Variants in MYLK3 observed in about 807,000 individuals in gnomAD.
MYLK3 encodes the protein myosin light chain kinase 3, also known as MLC kinase.
A neutral mutation model predicts 76.3 loss-of-function variants in MYLK3; 55 were observed. The observed-to-expected ratio is 0.72, with a 90% CI of 0.58 to 0.90. MYLK3 has a LOEUF of 0.90. Among genes scored for constraint, MYLK3 ranks in the 40% least tolerant of loss-of-function variants. The pLI, the probability that MYLK3 is intolerant of heterozygous loss-of-function variation, is 0.00. For missense variants in MYLK3, 973 were observed against 1,053.6 expected (o/e 0.92, Z 1.06); for synonymous variants, 416 against 425.4 (o/e 0.98, Z 0.27).
intron 3 of MYLK3, among the ~76,000 whole-genome samples, chr16:46,736,501 T>C (rs1966869050): frequency 6.6e-6 from 1 of 152,208 alleles, no homozygotes; most frequent in Admixed American, 6.5e-5. Flanking sequence ...ACTTTTCTTC[T>C]CTGTCAGAAT....
chr16:46,756,375 A>G (rs1197127563), intron 1 of MYLK3, among the ~76,000 whole-genome samples: 1 of 152,208 alleles, frequency 6.6e-6, no homozygotes, highest in African/African-American at 2.4e-5. Context: ...CTAAGTCCTC[A>G]TTTATCTTAC....
At chr16:46,757,557 A>T (rs1040411870) in intron 1 of MYLK3, 2 of 985,224 alleles carry the variant, frequency 2.0e-6, no homozygotes, top group African/African-American at 3.5e-5. Flanking sequence ...CTGCCTAGAG[A>T]TGGATGCTGC....
At chr16:46,748,416 G>C (rs1967068779), upstream of MYLK3, 3 of 788,670 alleles carry the variant, frequency 3.8e-6, no homozygotes, top group Non-Finnish European at 5.7e-6. The surrounding 1 kb of genome is among the most constrained non-coding windows in gnomAD (Gnocchi z 4.3). Flanking sequence ...GGGCCTGTGA[G>C]TGACAGGCCG....
intron 12 of MYLK3, among the ~76,000 whole-genome samples, chr16:46,708,520 T>C (rs555809142): frequency 6.6e-6 from 1 of 152,214 alleles, no homozygotes; most frequent in South Asian, 2.1e-4. Context: ...ACTGGCGTGA[T>C]CACGGCTCAC....
intron 1 of MYLK3, among the ~76,000 whole-genome samples, chr16:46,756,615 G>A (rs1967203996): frequency 6.6e-6 from 1 of 152,152 alleles, no homozygotes; most frequent in African/African-American, 2.4e-5. Context: ...GAAAGGTCTT[G>A]TTCTAACAAA....
upstream of MYLK3, among the ~76,000 whole-genome samples, chr16:46,752,881 A>AAAAAT (rs1037560918): frequency 7.2e-5 from 11 of 152,310 alleles, no homozygotes; most frequent in African/African-American, 2.4e-4. Flanking sequence ...CCCTGACTCA[A>AAAAAT]AAAATAAAAT....
chr16:46,741,160 T>C (rs1596769188), intron 1 of MYLK3, among the ~76,000 whole-genome samples: 1 of 152,232 alleles, frequency 6.6e-6, no homozygotes, highest in East Asian at 1.9e-4. Context: ...GGGATAATCA[T>C]GTTATCAGCC....
In MYLK3 at chr16:46,710,752, CATCTG is replaced by C; in HGVS notation, c.2147_2151del (p.Thr716SerfsTer11). 1 of 1,614,130 alleles carries C rather than the reference CATCTG, an allele frequency of 6.2e-7. No individual in the cohort carries two copies. Among genetic ancestry groups the C allele is most frequent in the Non-Finnish European group, 8.5e-7 (1 of 1,180,038 alleles). ...TTTACAATGAAATTCATGGTCTCTG[CATCTG>C]TTTCCCCTAGAAATGGGGACAAGCC... On this transcript the variant is annotated frameshift_variant, in exon 11 of 13. Coordinates refer to ENST00000394809, the MANE Select transcript of MYLK3 (RefSeq NM_182493.3). LOFTEE classifies it high-confidence loss of function.
intron 12 of MYLK3, 90 bp from the exon 13 acceptor site, chr16:46,707,853 T>C (rs1596743234): frequency 2.3e-6 from 2 of 860,802 alleles, no homozygotes; most frequent in Non-Finnish European, 1.8e-6. Flanking sequence ...TTTAAGTGAG[T>C]CCAGCCACTG....
Position 46,732,468 on chromosome 16 carries a change from G to C in MYLK3, c.1202C>G (p.Ser401Cys). ...GGGGCTGCTGCTCTCCTGCAGCGGG[G>C]AGAGCTCTCTGGCTCCTTCAGGGGT... ...EQTPEGAREL[S>C]PLQESSSPGG... The change falls in exon 4 of 13, where the codon TCC becomes TGC. Residue 401 changes from serine (S) to cysteine (C), a missense_variant. Ser to Cys is a moderately radical substitution (Grantham distance 112). Coordinates refer to ENST00000394809, the MANE Select transcript of MYLK3 (RefSeq NM_182493.3). 1 of 1,611,224 alleles carries C rather than the reference G, an allele frequency of 6.2e-7. No individual in the cohort carries two copies. The highest frequency in any genetic ancestry group is 8.5e-7 in the Non-Finnish European group (1 of 1,179,988).
intron 8 of MYLK3, among the ~76,000 whole-genome samples, chr16:46,722,205 T>C (rs1438526012): frequency 1.3e-5 from 2 of 152,128 alleles, no homozygotes; most frequent in Admixed American, 6.6e-5. Flanking sequence ...GATGTAGGGC[T>C]TATGATAGAC....
chr16:46,760,648 C>A (rs1393131623), intron 1 of MYLK3, among the ~76,000 whole-genome samples: 2 of 152,230 alleles, frequency 1.3e-5, no homozygotes, highest in Non-Finnish European at 2.9e-5. Context: ...AAAGAACTTT[C>A]TCTTCACCTG....
Position 46,710,704 on chromosome 16 carries a change from C to T in MYLK3, c.2200G>A (p.Asp734Asn). The T allele has an allele frequency of 6.2e-7, 1 of 1,614,118 alleles. No individual in the cohort carries two copies. The highest frequency in any genetic ancestry group is 1.1e-5 in the South Asian group (1 of 91,060). The change falls in exon 11 of 13, where the codon GAC becomes AAC. Residue 734 changes from aspartate to asparagine, a missense_variant. This residue lies in a region of MYLK3 where 332 missense variants were observed against 416.6 expected (regional missense o/e 0.80). Coordinates refer to ENST00000394809, the MANE Select transcript of MYLK3 (RefSeq NM_182493.3). ...TCCTCCGAGAGCCCTTCAAAGGTGTCAGCATCAAAATCCCAGCTACAGTTT... is the reference window on the plus strand; with the variant it reads ...TCCTCCGAGAGCCCTTCAAAGGTGTTAGCATCAAAATCCCAGCTACAGTTT... ...IVNCSWDFDA[D>N]TFEGLSEEAK...
At chr16:46,709,990 A>C (rs1041694746) in intron 11 of MYLK3, among the ~76,000 whole-genome samples, 4 of 152,250 alleles carry the variant, frequency 2.6e-5, no homozygotes, top group Non-Finnish European at 5.9e-5. Flanking sequence ...TTGCTCTTAA[A>C]GAAGCAAAAG....
At chr16:46,726,665 A>AAGAAAGAAAG (rs768946250) in intron 8 of MYLK3, 4 of 60,648 alleles carry the variant, frequency 6.6e-5, no homozygotes, top group African/African-American at 2.2e-4. Flanking sequence ...AAGAAAGAAA[A>AAGAAAGAAAG]AGAAAGAAAG....
chr16:46,729,779 G>C, intron 5 of MYLK3, 92 bp from the exon 6 acceptor site: 1 of 1,101,332 alleles, frequency 9.1e-7, no homozygotes, highest in Non-Finnish European at 1.4e-6. Flanking sequence ...TCCACACACA[G>C]GCCATGTGGA....
At chr16:46,755,728 G>A (rs1167054309) in intron 1 of MYLK3, among the ~76,000 whole-genome samples, 1 of 151,994 alleles carries the variant, frequency 6.6e-6, no homozygotes, top group South Asian at 2.1e-4. Flanking sequence ...TGTAACAGGA[G>A]AATAATAATA....
chr16:46,710,208 T>C (rs1966668919), intron 11 of MYLK3, among the ~76,000 whole-genome samples: 1 of 152,228 alleles, frequency 6.6e-6, no homozygotes, highest in Non-Finnish European at 1.5e-5. Context: ...TGTCCAGTTA[T>C]TACCTTATTC....
At chr16:46,713,558 C>T (rs1039596523) in intron 9 of MYLK3, among the ~76,000 whole-genome samples, 12 of 152,178 alleles carry the variant, frequency 7.9e-5, no homozygotes, top group Non-Finnish European at 8.8e-5. Context: ...AGCTAATTAA[C>T]ATAAGTATTA....
Sources: allele counts gnomAD v4.1 joint callset (sites outside exome capture counted in the v4.1 genomes callset), GRCh38; gene constraint gnomAD v4.1.1; regional missense constraint gnomAD v4.1.1; non-coding constraint Gnocchi (gnomAD v3.1); transcripts MANE v1.5; gene names NCBI Gene and HGNC (gene_info 2026-07-23, HGNC 2026-07-21).